The following PDGFD variants were observed in gnomAD, a reference collection of about 807,000 sequenced individuals.
PDGFD encodes the protein platelet derived growth factor D.
In PDGFD, 30 loss-of-function variants were observed where a neutral mutation model predicts 44.7. That is an observed-to-expected ratio of 0.67 (90% CI 0.50 to 0.91). The LOEUF is 0.91. Among genes scored for constraint, PDGFD ranks in the 40% least tolerant of loss-of-function variants. The pLI, the probability that PDGFD is intolerant of heterozygous loss-of-function variation, is 0.00. For missense variants in PDGFD, 445 were observed against 457.8 expected (o/e 0.97, Z 0.25); for synonymous variants, 173 against 168.4 (o/e 1.03, Z -0.21).
At chr11:104,081,530 G>C (rs754666953) in intron 1 of PDGFD, among the ~76,000 whole-genome samples, 9 of 151,826 alleles carry the variant, frequency 5.9e-5, no homozygotes, top group Non-Finnish European at 1.0e-4. Flanking sequence ...AATGAGCTAA[G>C]AGCCACATAG....
At chr11:104,132,642 T>C (rs1222503634) in intron 1 of PDGFD, among the ~76,000 whole-genome samples, 1 of 152,136 alleles carries the variant, frequency 6.6e-6, no homozygotes, top group Non-Finnish European at 1.5e-5. Context: ...ATACTACAGA[T>C]AATATACATC....
chr11:104,127,234 A>G (rs1861854602), intron 1 of PDGFD, among the ~76,000 whole-genome samples: 1 of 152,114 alleles, frequency 6.6e-6, no homozygotes, highest in Admixed American at 6.5e-5. Flanking sequence ...TCAGTGAATG[A>G]TTCCCACATT....
chr11:104,003,448 G>A (rs996123793), intron 1 of PDGFD, among the ~76,000 whole-genome samples: 9 of 152,222 alleles, frequency 5.9e-5, no homozygotes, highest in Non-Finnish European at 7.3e-5. Flanking sequence ...AATGCCTGGA[G>A]CATCAAGGTC....
At position 104,020,143 on chromosome 11, in the gene PDGFD, T is replaced by C. The variant is rs1859927823; in HGVS notation, c.125-19888A>G. ...GAGGCAGTTTCCTAGGCCGATTTAT[T>C]GCTTCAGAGAGTAGAAGCAACATAT... is the stretch of plus-strand genomic sequence containing the variant. On this transcript the variant is annotated intron_variant, in intron 1 of 6. Coordinates refer to ENST00000393158, the MANE Select transcript of PDGFD (RefSeq NM_025208.5). Among the ~76,000 whole-genome samples, 9 of 152,268 alleles carry C rather than the reference T, an allele frequency of 5.9e-5. No individual in the cohort carries two copies. In the South Asian group the frequency reaches 1.0e-3, roughly 18 times the overall value.
intron 1 of PDGFD, among the ~76,000 whole-genome samples, chr11:104,011,435 T>C (rs1157854239): frequency 6.6e-6 from 1 of 152,150 alleles, no homozygotes; most frequent in Non-Finnish European, 1.5e-5. Flanking sequence ...CAGTGCTATT[T>C]ACGGATTAAA....
chr11:103,957,404 G>A (rs1442816935), intron 3 of PDGFD, among the ~76,000 whole-genome samples: 5 of 152,150 alleles, frequency 3.3e-5, no homozygotes, highest in Admixed American at 6.5e-5. Context: ...AGCCCGCATC[G>A]CCAAGTCAAT....
intron 6 of PDGFD, among the ~76,000 whole-genome samples, chr11:103,914,017 G>A (rs1858072858): frequency 8.5e-6 from 1 of 118,126 alleles, no homozygotes; most frequent in African/African-American, 3.2e-5. Flanking sequence ...GGAAGTAGGG[G>A]TCAGGGGGCA....
At chr11:104,073,504 GAAGT>G (rs1860909203) in intron 1 of PDGFD, among the ~76,000 whole-genome samples, 1 of 152,142 alleles carries the variant, frequency 6.6e-6, no homozygotes, top group Non-Finnish European at 1.5e-5. Flanking sequence ...CTTATGAGAA[GAAGT>G]AAGACACAGG....
intron 3 of PDGFD, among the ~76,000 whole-genome samples, chr11:103,952,175 C>A (rs1306490090): frequency 1.3e-5 from 2 of 152,146 alleles, no homozygotes; most frequent in Non-Finnish European, 2.9e-5. Context: ...AAACAAACTC[C>A]TTTTTGTGGG....
chr11:104,019,276 G>A (rs188542459), intron 1 of PDGFD, among the ~76,000 whole-genome samples: 37 of 152,224 alleles, frequency 2.4e-4, no homozygotes, highest in South Asian at 4.1e-4. Flanking sequence ...ATAAATGTTC[G>A]CTGAATAAAT....
At chr11:104,142,229 T>C (rs1202723836) in intron 1 of PDGFD, among the ~76,000 whole-genome samples, 1 of 152,236 alleles carries the variant, frequency 6.6e-6, no homozygotes, top group Non-Finnish European at 1.5e-5. Flanking sequence ...TGGGTATATG[T>C]ATTCATGTGT....
At chr11:104,155,977 A>T (rs1191394681) in intron 1 of PDGFD, among the ~76,000 whole-genome samples, 1 of 152,158 alleles carries the variant, frequency 6.6e-6, no homozygotes, top group Non-Finnish European at 1.5e-5. Flanking sequence ...TCAGGATCCT[A>T]ATATATACAA....
chr11:103,946,357 G>A (rs1045151827), intron 4 of PDGFD: 2 of 152,178 alleles, frequency 1.3e-5, no homozygotes, highest in African/African-American at 2.4e-5. Flanking sequence ...CTTTTGCAGT[G>A]GATTTGGACC....
chr11:104,077,331 T>C (rs1208093167), intron 1 of PDGFD, among the ~76,000 whole-genome samples: 2 of 151,984 alleles, frequency 1.3e-5, no homozygotes, highest in African/African-American at 4.8e-5. Context: ...GAAGGAAGGA[T>C]GTAAGGCAGC....
chr11:104,035,439 T>C (rs1387371181), intron 1 of PDGFD, among the ~76,000 whole-genome samples: 1 of 151,988 alleles, frequency 6.6e-6, no homozygotes, highest in Admixed American at 6.6e-5. Context: ...TGACTGGCCC[T>C]CCTGCCACAT....
At chr11:103,999,652 G>A (rs1055865658) in intron 2 of PDGFD, among the ~76,000 whole-genome samples, 4 of 152,316 alleles carry the variant, frequency 2.6e-5, no homozygotes, top group South Asian at 2.1e-4. Flanking sequence ...GCCTGGGTCA[G>A]CGGGAGCCGG....
intron 1 of PDGFD, among the ~76,000 whole-genome samples, chr11:104,123,003 C>T (rs1041897527): frequency 2.0e-5 from 3 of 152,034 alleles, no homozygotes; most frequent in Non-Finnish European, 2.9e-5. Context: ...ATTTTTGTCC[C>T]TACTAATGTT....
At chr11:103,918,175 G>T (rs1858156761) in intron 6 of PDGFD, among the ~76,000 whole-genome samples, 1 of 152,164 alleles carries the variant, frequency 6.6e-6, no homozygotes. Flanking sequence ...CAGAAATTTT[G>T]ATATTGGTAA....
At chr11:104,013,305 CA>C (rs994542910) in intron 1 of PDGFD, among the ~76,000 whole-genome samples, 21 of 152,146 alleles carry the variant, frequency 1.4e-4, no homozygotes, top group African/African-American at 4.8e-4. Flanking sequence ...GCATACCAGA[CA>C]AGAACCCAGG....
Sources: gnomAD v4.1 joint callset for allele counts (sites outside exome capture counted in the v4.1 genomes callset) on GRCh38, gnomAD v4.1.1 for gene constraint, MANE v1.5 for transcripts, NCBI Gene and HGNC (gene_info 2026-07-23, HGNC 2026-07-21) for gene names.